The following CERT1 variants were observed in gnomAD, a reference collection of about 807,000 sequenced individuals.
The protein encoded by CERT1 is ceramide transporter 1, also known as ceramide transfer protein.
A neutral mutation model predicts 87.9 loss-of-function variants in CERT1; 31 were observed. The observed-to-expected ratio is 0.35, with a 90% CI of 0.27 to 0.48. The LOEUF (loss-of-function observed/expected upper bound fraction) is 0.48. CERT1 is among the 20% of genes least tolerant of loss of function. CERT1 has a pLI of 0.99. For synonymous variants in CERT1, 289 were observed against 250.9 expected (o/e 1.15, Z -1.44); for missense variants, 487 against 758.0 (o/e 0.64, Z 4.20).
intron 3 of CERT1, among the ~76,000 whole-genome samples, chr5:75,451,009 G>A (rs951987443): frequency 2.0e-5 from 3 of 152,098 alleles, no homozygotes; most frequent in African/African-American, 7.2e-5. Context: ...TTCAAATACT[G>A]CAGGCAGGAA....
chr5:75,481,580 A>G lies in CERT1; in HGVS notation c.232-22399T>C, dbSNP rs149569623. On this transcript the variant is annotated intron_variant, in intron 2 of 16. Transcript: ENST00000643780. ...ACTCCCAAAGTCAGTCTGAATAACT[A>G]TATCATCCCCAAATGTAAAATATCT... is the stretch of plus-strand genomic sequence containing the variant. 7.1e-4 allele frequency among the ~76,000 whole-genome samples: 108 copies of G among 152,314 alleles called. 1 individual carries two copies. Among genetic ancestry groups the G allele is most frequent in the African/African-American group, 2.5e-3 (105 of 41,578 alleles).
chr5:75,381,114 TAA>T lies in CERT1; in HGVS notation c.1703_1704del (p.Ile568LysfsTer14). 1 of 1,614,176 alleles carries T rather than the reference TAA, an allele frequency of 6.2e-7. No individual in the cohort carries two copies. Among genetic ancestry groups the T allele is most frequent in the Non-Finnish European group, 8.5e-7 (1 of 1,180,004 alleles). Reference sequence around the variant, plus strand: ...ATCTTGCATAGAATGTTGTCCCTGCTAATTTCCTGGTTTCCCTCTGGTGGGCT... The same window carrying T: ...ATCTTGCATAGAATGTTGTCCCTGCTTTTCCTGGTTTCCCTCTGGTGGGCT... ...LVSPPEGNQEISRDNILCKIT... is the reference protein window; with the variant it reads ...LVSPPEGNQEXSRDNILCKIT... On this transcript the variant is annotated frameshift_variant, in exon 16 of 17. Coordinates refer to ENST00000643780, the MANE Select transcript of CERT1 (RefSeq NM_001379029.1). LOFTEE classifies it high-confidence loss of function.
At chr5:75,403,133 T>G in intron 8 of CERT1, 75 bp from the exon 9 acceptor site, 1 of 985,732 alleles carries the variant, frequency 1.0e-6, no homozygotes, top group Non-Finnish European at 1.6e-6. Context: ...TGGTATTAAC[T>G]TGAGTTTGAA....
chr5:75,478,634 T>A (rs1766080967), intron 2 of CERT1, among the ~76,000 whole-genome samples: 1 of 152,090 alleles, frequency 6.6e-6, no homozygotes, highest in South Asian at 2.1e-4. Flanking sequence ...AAATTACCCT[T>A]CTAGCAGAAG....
intron 2 of CERT1, among the ~76,000 whole-genome samples, chr5:75,472,409 A>G (rs1369858742): frequency 6.6e-6 from 1 of 152,234 alleles, no homozygotes; most frequent in Admixed American, 6.5e-5. Context: ...AGGCAACAAA[A>G]TAAAAAATAG....
At chr5:75,497,075 CAT>C (rs1767105430) in intron 2 of CERT1, among the ~76,000 whole-genome samples, 1 of 151,742 alleles carries the variant, frequency 6.6e-6, no homozygotes, top group African/African-American at 2.4e-5. Context: ...ACACAGAAAA[CAT>C]ATAAAGAGTT....
intron 9 of CERT1, 158 bp from the exon 10 acceptor site, chr5:75,400,455 C>A (rs1762423954): frequency 5.5e-6 from 3 of 541,488 alleles, no homozygotes; most frequent in South Asian, 6.1e-5. Context: ...CATGGCAAAT[C>A]CTGATACTTG....
chr5:75,491,512 CAAAA>C (rs113977857), intron 2 of CERT1, among the ~76,000 whole-genome samples: 1 of 149,916 alleles, frequency 6.7e-6, no homozygotes, highest in Non-Finnish European at 1.5e-5. Flanking sequence ...ACTGAAAATA[CAAAA>C]AAAAAGGGTG....
intron 7 of CERT1, 109 bp downstream of exon 7, chr5:75,416,767 T>C (rs1220230534): frequency 1.0e-6 from 1 of 960,880 alleles, no homozygotes; most frequent in East Asian, 2.6e-5. Flanking sequence ...CATCTGCTAT[T>C]TCTATCAACC....
At chr5:75,479,048 T>C (rs1766107933) in intron 2 of CERT1, among the ~76,000 whole-genome samples, 1 of 150,466 alleles carries the variant, frequency 6.6e-6, no homozygotes. Context: ...TAATGGATTA[T>C]AACACATTCA....
At chr5:75,393,782 G>A (rs1047092223) in intron 11 of CERT1, among the ~76,000 whole-genome samples, 2 of 150,694 alleles carry the variant, frequency 1.3e-5, no homozygotes, top group South Asian at 2.1e-4. Flanking sequence ...CGGCTAACAC[G>A]GTGAACTCCC....
At chr5:75,485,312 C>CAAAAAAAAAAAAAAAAAAAAAA (rs757349878) in intron 2 of CERT1, among the ~76,000 whole-genome samples, 23 of 46,444 alleles carry the variant, frequency 5.0e-4, no homozygotes, top group African/African-American at 6.3e-4. Flanking sequence ...CACAAAAATA[C>CAAAAAAAAAAAAAAAAAAAAAA]AAAAAAAAAA....
intron 5 of CERT1, among the ~76,000 whole-genome samples, chr5:75,422,095 G>A (rs1329991821): frequency 1.3e-5 from 2 of 151,952 alleles, no homozygotes; most frequent in African/African-American, 2.4e-5. Flanking sequence ...AGAACAAAAC[G>A]TTAATCTCTC....
At chr5:75,506,441 T>C (rs1226580615) in intron 1 of CERT1, among the ~76,000 whole-genome samples, 2 of 152,236 alleles carry the variant, frequency 1.3e-5, no homozygotes, top group Non-Finnish European at 2.9e-5. Context: ...TTTCATCCTC[T>C]CCTAAGTACC....
At chr5:75,472,837 A>G (rs543687673) in intron 2 of CERT1, among the ~76,000 whole-genome samples, 17 of 152,188 alleles carry the variant, frequency 1.1e-4, no homozygotes, top group Non-Finnish European at 2.5e-4. Flanking sequence ...AGAGCCACTA[A>G]AGAAAACACC....
At chr5:75,482,935 A>G (rs1051285327) in intron 2 of CERT1, among the ~76,000 whole-genome samples, 42 of 151,384 alleles carry the variant, frequency 2.8e-4, no homozygotes, top group African/African-American at 9.6e-4. Context: ...AGAAGCCCAC[A>G]CTGCGAAGAC....
At chr5:75,446,341 T>C (rs1388141477) in intron 3 of CERT1, among the ~76,000 whole-genome samples, 1 of 152,192 alleles carries the variant, frequency 6.6e-6, no homozygotes, top group East Asian at 1.9e-4. Flanking sequence ...AATTTCTTTT[T>C]GATTTCTTTT....
chr5:75,374,325 T>C (rs1263777110), downstream of CERT1: 1 of 500,666 alleles, frequency 2.0e-6, no homozygotes, highest in Non-Finnish European at 3.5e-6. Flanking sequence ...TCTATTAAAA[T>C]TTATCATTAT....
chr5:75,504,751 CTTTT>C (rs558482615), intron 2 of CERT1, among the ~76,000 whole-genome samples: 1 of 131,590 alleles, frequency 7.6e-6, no homozygotes, highest in Admixed American at 7.6e-5. Flanking sequence ...TTAGCCAACA[CTTTT>C]TTTTTTTTTT....
Sources: gnomAD v4.1 joint callset for allele counts (sites outside exome capture counted in the v4.1 genomes callset) on GRCh38, gnomAD v4.1.1 for gene constraint, MANE v1.5 for transcripts, NCBI Gene and HGNC (gene_info 2026-07-23, HGNC 2026-07-21) for gene names.